The following BUD31 variants were observed in gnomAD, a reference collection of about 807,000 sequenced individuals.
BUD31 encodes protein BUD31 homolog.
Under a neutral mutation model 17.9 loss-of-function variants are expected in BUD31, and 9 were observed. That is an observed-to-expected ratio of 0.50 (90% confidence interval 0.30 to 0.88). The LOEUF (loss-of-function observed/expected upper bound fraction) is 0.88. BUD31 is among the 40% of genes least tolerant of loss of function. The pLI is 0.06. For synonymous variants in BUD31, 70 were observed against 64.7 expected (o/e 1.08, Z -0.39); for missense variants, 148 against 184.5 (o/e 0.80, Z 1.15).
intron 2 of BUD31, among the ~76,000 whole-genome samples, 163 bp downstream of exon 2, chr7:99,410,332 C>A (rs934695563): frequency 2.8e-4 from 42 of 151,684 alleles, no homozygotes; most frequent in African/African-American, 1.0e-3. Flanking sequence ...GATCCTCTTG[C>A]CTCAGCCTTC....
chr7:99,414,457 T>C (rs1442701906), intron 3 of BUD31, among the ~76,000 whole-genome samples: 1 of 152,228 alleles, frequency 6.6e-6, no homozygotes, highest in Admixed American at 6.5e-5. Context: ...ATTAATCATA[T>C]ACTGTAAAAG....
intron 5 of BUD31, chr7:99,418,046 C>A: frequency 9.5e-7 from 1 of 1,050,404 alleles, no homozygotes. Flanking sequence ...TGGCTCACTG[C>A]AACCTCCACC....
rs192768021 is a variant in BUD31 at position 99,415,104 on chromosome 7, G to A, written c.95-1034G>A. On this transcript the variant is annotated intron_variant, in intron 3 of 5. Coordinates refer to ENST00000222969, the MANE Select transcript of BUD31 (RefSeq NM_003910.4). ...TCCCCGTGTGTGGAGACGAGAGAGC[G>A]TAGAAATAAAGACACAAGACAAAGA... The A allele has an allele frequency of 6.5e-4, 273 of 421,796 alleles. 2 individuals are homozygous for A. The East Asian group carries it at 0.018, about 28-fold the overall frequency. 26.1% of individuals were successfully genotyped at this position (421,796 alleles called of 1,614,324 possible).
chr7:99,414,312 T>G (rs756660532), intron 3 of BUD31, among the ~76,000 whole-genome samples: 1 of 152,062 alleles, frequency 6.6e-6, no homozygotes, highest in Admixed American at 6.6e-5. Flanking sequence ...GCTAATTTTT[T>G]AATTTTTAGT....
At chr7:99,416,606 A>T (rs961124950) in intron 4 of BUD31, 13 of 189,472 alleles carry the variant, frequency 6.9e-5, no homozygotes, top group Admixed American at 3.7e-4. Context: ...TTTAGTAAAG[A>T]TGGGGTTTCA....
At chr7:99,414,474 T>C (rs959076578) in intron 3 of BUD31, among the ~76,000 whole-genome samples, 29 of 152,224 alleles carry the variant, frequency 1.9e-4, no homozygotes, top group Non-Finnish European at 1.8e-4. Context: ...AAAGTGAACC[T>C]GTTAAATTAT....
chr7:99,414,011 G>C (rs1795287778), intron 3 of BUD31, among the ~76,000 whole-genome samples: 1 of 152,180 alleles, frequency 6.6e-6, no homozygotes, highest in Non-Finnish European at 1.5e-5. Context: ...GTTGTGACAA[G>C]GTTTGAGAGT....
At position 99,411,056 on chromosome 7, in the gene BUD31, TC is replaced by T. The variant is rs1224954303; in HGVS notation, c.-29-3del. The T allele has an allele frequency of 5.1e-6, 8 of 1,569,024 alleles. No homozygotes were observed. Among genetic ancestry groups the T allele is most frequent in the Non-Finnish European group, 7.0e-6 (8 of 1,142,418 alleles). Reference sequence around the variant, plus strand: ...AGACTCAGAAACCAATTCATTTTTTTCCCCCAGATCTTTGCAGATTATCCTG... The same window carrying T: ...AGACTCAGAAACCAATTCATTTTTTTCCCCAGATCTTTGCAGATTATCCTG... On this transcript the variant is annotated splice_polypyrimidine_tract_variant and splice_region_variant and intron_variant, in intron 2 of 5. Coordinates refer to ENST00000222969, the MANE Select transcript of BUD31 (RefSeq NM_003910.4).
intron 3 of BUD31, among the ~76,000 whole-genome samples, chr7:99,415,624 G>C (rs1348582614): frequency 6.6e-6 from 1 of 152,128 alleles, no homozygotes; most frequent in Non-Finnish European, 1.5e-5. Context: ...AGTAGCGGGT[G>C]TTTTTCCTTG....
At chr7:99,411,382 A>G (rs1313470738) in intron 3 of BUD31, 196 bp downstream of exon 3, 1 of 534,236 alleles carries the variant, frequency 1.9e-6, no homozygotes, top group Non-Finnish European at 3.3e-6. Context: ...GTCCTCAGAA[A>G]AGGTGTTTTT....
chr7:99,417,377 G>A (rs2150936345), intron 4 of BUD31, 52 bp from the exon 5 acceptor site: 2 of 1,582,364 alleles, frequency 1.3e-6, no homozygotes, highest in East Asian at 2.2e-5. Flanking sequence ...GATCAAGGGT[G>A]GGGAAGGTTT....
chr7:99,414,246 TCTC>T (rs1206058340), intron 3 of BUD31, among the ~76,000 whole-genome samples: 1 of 151,594 alleles, frequency 6.6e-6, no homozygotes, highest in Admixed American at 6.6e-5. Context: ...TTCAGGCAAT[TCTC>T]CTGCCTCAGC....
intron 3 of BUD31, among the ~76,000 whole-genome samples, chr7:99,415,641 AC>A (rs1366329081): frequency 2.0e-5 from 3 of 152,186 alleles, no homozygotes; most frequent in East Asian, 3.9e-4. Context: ...CTTGACACTA[AC>A]GCTACTGCTA....
Position 99,417,727 on chromosome 7 carries a change from C to G in BUD31, c.384+132C>G, listed in dbSNP as rs1021890101. ...CCTGGATGTCCTGCTGGCTCTCCCT[C>G]GTGGGAGTGGGTCCCTGTATTCAGG... is the stretch of plus-strand genomic sequence containing the variant. On this transcript the variant is annotated intron_variant, in intron 5 of 5. Coordinates refer to ENST00000222969, the MANE Select transcript of BUD31 (RefSeq NM_003910.4). 2.6e-6 allele frequency: 4 copies of G among 1,537,132 alleles called. No individual in the cohort carries two copies. In the African/African-American group the frequency reaches 4.1e-5, roughly 16 times the overall value.
At chr7:99,417,829 C>T in intron 5 of BUD31, 1 of 1,481,020 alleles carries the variant, frequency 6.8e-7, no homozygotes, top group Non-Finnish European at 8.9e-7. Context: ...GGGCAAATTA[C>T]TGAACCCCTT....
chr7:99,414,092 T>A (rs1795291224), intron 3 of BUD31, among the ~76,000 whole-genome samples: 1 of 152,208 alleles, frequency 6.6e-6, no homozygotes, highest in Non-Finnish European at 1.5e-5. Flanking sequence ...AAAATAGACA[T>A]TTTTAATTTA....
intron 3 of BUD31, among the ~76,000 whole-genome samples, chr7:99,414,964 A>T (rs767844233): frequency 6.6e-5 from 10 of 152,164 alleles, no homozygotes; most frequent in Middle Eastern, 3.4e-3. Context: ...TTACATTCCC[A>T]CCAGGAACGT....
intron 5 of BUD31, 46 bp from the exon 6 acceptor site, chr7:99,419,345 C>T (rs764912236): frequency 2.7e-5 from 44 of 1,606,894 alleles, no homozygotes; most frequent in South Asian, 7.7e-5. Flanking sequence ...TGTGCAGGGG[C>T]GAGCGTGGCG....
intron 3 of BUD31, among the ~76,000 whole-genome samples, chr7:99,412,382 G>A (rs1795226098): frequency 6.6e-6 from 1 of 152,172 alleles, no homozygotes; most frequent in Non-Finnish European, 1.5e-5. Context: ...CCTACTTTGT[G>A]TTTAGATATT....
Sources: gnomAD v4.1 joint callset for allele counts (sites outside exome capture counted in the v4.1 genomes callset) on GRCh38, gnomAD v4.1.1 for gene constraint, MANE v1.5 for transcripts, NCBI Gene and HGNC (gene_info 2026-07-23, HGNC 2026-07-21) for gene names.